MRAP: variants seen among roughly 807,000 people sequenced by gnomAD.
The protein encoded by MRAP is melanocortin-2 receptor accessory protein.
Under a neutral mutation model 8.7 loss-of-function variants are expected in MRAP, and 8 were observed. That is an observed-to-expected ratio of 0.92 (90% CI 0.54 to 1.66). The LOEUF (loss-of-function observed/expected upper bound fraction) is 1.66, where lower values mean the gene tolerates loss of function less well. MRAP is among the 40% of genes most tolerant of loss of function. The pLI is 0.00. For synonymous variants in MRAP, 95 were observed against 95.5 expected, an observed-to-expected ratio of 1.00 and a Z score of 0.03; for missense variants, 237 against 217.1, an observed-to-expected ratio of 1.09 and a Z score of -0.58.
At chr21:32,314,717 C>T (rs1198680045), downstream of MRAP, 6 of 1,530,452 alleles carry the variant, frequency 3.9e-6, no homozygotes, top group Non-Finnish European at 5.4e-6. Flanking sequence ...TGATGCTGGG[C>T]ACCTACAGGC....
At chr21:32,294,751 G>T (rs1202182641), upstream of MRAP, among the ~76,000 whole-genome samples, 1 of 152,092 alleles carries the variant, frequency 6.6e-6, no homozygotes, top group African/African-American at 2.4e-5. Context: ...CTGGGATGAT[G>T]ATTGGGATTG....
intron 1 of MRAP, among the ~76,000 whole-genome samples, chr21:32,301,763 TAAG>T (rs1459400294): frequency 1.3e-5 from 2 of 152,176 alleles, no homozygotes; most frequent in Non-Finnish European, 1.5e-5. Context: ...AGTTATGGGT[TAAG>T]AAGAACTGGT....
intron 1 of MRAP, among the ~76,000 whole-genome samples, chr21:32,304,965 GT>G (rs537525538): frequency 0.012 from 958 of 78,060 alleles, 2 homozygotes; most frequent in African/African-American, 0.037. Flanking sequence ...TTTTTTTGTT[GT>G]TTTTTTTTTT....
At chr21:32,300,984 T>C (rs573560648) in intron 1 of MRAP, among the ~76,000 whole-genome samples, 3 of 144,112 alleles carry the variant, frequency 2.1e-5, no homozygotes, top group Admixed American at 1.4e-4. Context: ...TCATATTTCA[T>C]ATATCATGAT....
Position 32,312,283 on chromosome 21 carries a change from G to A in MRAP, c.*287G>A, listed in dbSNP as rs2032601796. The A allele has an allele frequency of 7.3e-7, 1 of 1,364,616 alleles. No homozygotes were observed. Among genetic ancestry groups the A allele is most frequent in the Non-Finnish European group, 9.5e-7 (1 of 1,055,436 alleles). 84.5% of individuals were successfully genotyped at this position (1,364,616 alleles called of 1,614,324 possible). ...GGAAAATAAAATATATGCAAATCAAGAGGAAAAGCTGTTTGCTTACTAATC... is the reference window on the plus strand; with the variant it reads ...GGAAAATAAAATATATGCAAATCAAAAGGAAAAGCTGTTTGCTTACTAATC... On this transcript the variant is annotated 3_prime_UTR_variant, in exon 3 of 3. Coordinates refer to ENST00000303645, the MANE Select transcript of MRAP (RefSeq NM_001379228.1).
At chr21:32,292,098 G>A (rs2032059445) in intron 1 of MRAP, among the ~76,000 whole-genome samples, 1 of 151,960 alleles carries the variant, frequency 6.6e-6, no homozygotes, top group Non-Finnish European at 1.5e-5. Context: ...GCATTGACTA[G>A]ATAGTTGATT....
chr21:32,293,658 T>C (rs1430069689), intron 2 of MRAP, among the ~76,000 whole-genome samples: 3 of 152,216 alleles, frequency 2.0e-5, no homozygotes, highest in Non-Finnish European at 4.4e-5. Context: ...ACTCAATCTG[T>C]AGTTGTGATG....
chr21:32,300,661 AC>A (rs1351089237), intron 1 of MRAP, among the ~76,000 whole-genome samples: 2 of 12,648 alleles, frequency 1.6e-4, no homozygotes, highest in Non-Finnish European at 2.5e-4. Context: ...GGGGCGTCAC[AC>A]GTCCTATGTC....
intron 1 of MRAP, among the ~76,000 whole-genome samples, chr21:32,300,825 CTA>C (rs1302243001): frequency 2.7e-5 from 4 of 145,564 alleles, no homozygotes; most frequent in African/African-American, 5.1e-5. Context: ...GTCATGTGTC[CTA>C]TGTCGGATAT....
Position 32,311,697 on chromosome 21 carries a change from C to T in MRAP, c.220C>T (p.His74Tyr). The T allele has an allele frequency of 6.2e-7, 1 of 1,613,986 alleles. No homozygotes were observed. Among genetic ancestry groups the T allele is most frequent in the Non-Finnish European group, 8.5e-7 (1 of 1,179,948 alleles). The change falls in exon 3 of 3, where the codon CAC (histidine) becomes TAC (tyrosine). Residue 74 changes from histidine (H) to tyrosine (Y), a missense_variant. Physicochemically the swap from His to Tyr is moderately conservative, Grantham distance 83 (BLOSUM62 2). Coordinates refer to ENST00000303645, the MANE Select transcript of MRAP (RefSeq NM_001379228.1). The part of the protein sequence containing the change: ...ASPQMRNSPK[H>Y]HQTCPWSHGL... The stretch of plus-strand genomic sequence containing the variant: ...CTCTGTTCACAGGAACAGCCCCAAG[C>T]ACCACCAAACATGCCCCTGGAGTCA...
At chr21:32,292,202 G>T (rs11910729) in intron 1 of MRAP, among the ~76,000 whole-genome samples, 4,872 of 152,148 alleles carry the variant, frequency 0.032, 265 homozygotes, top group African/African-American at 0.11. Flanking sequence ...CAGATGAAAT[G>T]ATATATTTTG....
intron 1 of MRAP, among the ~76,000 whole-genome samples, chr21:32,304,171 C>T (rs950931328): frequency 3.9e-5 from 6 of 152,110 alleles, no homozygotes; most frequent in African/African-American, 1.4e-4. Context: ...CTAAAATATC[C>T]CTACAGAATA....
chr21:32,300,767 G>A (rs1207224448), intron 1 of MRAP, among the ~76,000 whole-genome samples: 1 of 148,284 alleles, frequency 6.7e-6, no homozygotes, highest in East Asian at 2.0e-4. Context: ...TATGTCAGGG[G>A]CGTCATGCCT....
intron 1 of MRAP, among the ~76,000 whole-genome samples, chr21:32,304,670 CAAA>C (rs950297686): frequency 7.4e-6 from 1 of 134,330 alleles, no homozygotes; most frequent in African/African-American, 3.0e-5. Context: ...CAAAACAAAC[CAAA>C]AAAACTCCTT....
At chr21:32,300,719 G>A (rs73901386) in intron 1 of MRAP, among the ~76,000 whole-genome samples, 1,578 of 21,342 alleles carry the variant, frequency 0.074, 35 homozygotes, top group African/African-American at 0.15. Context: ...GTCCTATGTC[G>A]GGGCGTCATT....
intron 2 of MRAP, 99 bp downstream of exon 2, chr21:32,306,838 A>T (rs1050115544): frequency 5.2e-6 from 5 of 956,380 alleles, no homozygotes; most frequent in Non-Finnish European, 8.4e-6. Context: ...TGGAGACCAG[A>T]AGTGTTTCAG....
At chr21:32,313,452 A>G (rs1180493480), downstream of MRAP, 2 of 152,260 alleles carry the variant, frequency 1.3e-5, no homozygotes, top group Non-Finnish European at 2.9e-5. Context: ...CAAGTTCAGG[A>G]TAGTCTCAAA....
At chr21:32,310,450 G>A (rs1370265506) in intron 2 of MRAP, among the ~76,000 whole-genome samples, 2 of 152,096 alleles carry the variant, frequency 1.3e-5, no homozygotes, top group Non-Finnish European at 2.9e-5. Flanking sequence ...TTGTGCCAGC[G>A]CTGTAACCAC....
chr21:32,293,571 C>T (rs2032088603), intron 2 of MRAP, among the ~76,000 whole-genome samples: 1 of 152,132 alleles, frequency 6.6e-6, no homozygotes, highest in South Asian at 2.1e-4. Context: ...GCCTAAAGCA[C>T]CTCGTCCAGG....
Sources: allele counts gnomAD v4.1 joint callset (sites outside exome capture counted in the v4.1 genomes callset), GRCh38; gene constraint gnomAD v4.1.1; transcripts MANE v1.5; gene names NCBI Gene and HGNC (gene_info 2026-07-23, HGNC 2026-07-21).